Variants in TAFA5 observed in about 807,000 individuals in gnomAD.
TAFA5 encodes the protein chemokine-like protein TAFA-5.
In TAFA5, 6 loss-of-function variants were observed where a neutral mutation model predicts 15.3. The ratio of observed to expected loss-of-function variants is 0.39; its 90% confidence interval spans 0.21 to 0.77. The LOEUF is 0.77. Ranked by LOEUF, TAFA5 falls within the 30% of genes least tolerant of loss-of-function variation. The pLI, the probability that TAFA5 is intolerant of heterozygous loss-of-function variation, is 0.41. For synonymous variants in TAFA5, 103 were observed against 80.7 expected (o/e 1.28, Z -1.48); for missense variants, 161 against 193.1 (o/e 0.83, Z 0.98).
chr22:48,651,897 C>T (rs1927067605), intron 2 of TAFA5, among the ~76,000 whole-genome samples: 1 of 152,064 alleles, frequency 6.6e-6, no homozygotes, highest in African/African-American at 2.4e-5. Context: ...GGATGGGGAC[C>T]ACACTGATGG....
chr22:48,649,117 G>C (rs1926965937), intron 2 of TAFA5, among the ~76,000 whole-genome samples: 1 of 152,240 alleles, frequency 6.6e-6, no homozygotes, highest in Admixed American at 6.5e-5. Context: ...AAGGGGAAGG[G>C]GCCGCGGGCT....
In TAFA5 at chr22:48,493,118, A is replaced by G. The variant is rs571238415; in HGVS notation, c.112+3414A>G. ...CTGGGGCAACTCCCTATGACACCTA[A>G]GCACTGACTCGGTCCTTGTGTGCAG... On this transcript the variant is annotated intron_variant, in intron 1 of 3. Transcript: ENST00000402357. Among the ~76,000 whole-genome samples, 23 of 152,326 alleles carry G rather than the reference A, an allele frequency of 1.5e-4. 1 individual carries two copies. The South Asian group carries it at 4.3e-3, about 29-fold the overall frequency.
intron 2 of TAFA5, among the ~76,000 whole-genome samples, chr22:48,660,064 G>A (rs58870279): frequency 0.011 from 1,647 of 152,208 alleles, 31 homozygotes; most frequent in African/African-American, 0.037. Flanking sequence ...TCTGGATGCC[G>A]AGTCATCTTC....
intron 2 of TAFA5, among the ~76,000 whole-genome samples, chr22:48,675,727 G>A (rs184962289): frequency 3.9e-5 from 6 of 152,230 alleles, no homozygotes; most frequent in South Asian, 2.1e-4. Context: ...CACAGCTGCC[G>A]GGGAGCCCCG....
At chr22:48,651,656 C>A (rs1047618495) in intron 2 of TAFA5, among the ~76,000 whole-genome samples, 1 of 152,134 alleles carries the variant, frequency 6.6e-6, no homozygotes, top group Non-Finnish European at 1.5e-5. Flanking sequence ...AGACGCGCAG[C>A]CTTAGGCGGG....
At chr22:48,706,515 A>G (rs1028658639) in intron 2 of TAFA5, among the ~76,000 whole-genome samples, 2 of 152,240 alleles carry the variant, frequency 1.3e-5, no homozygotes, top group Non-Finnish European at 2.9e-5. Context: ...CCGTTCTCCT[A>G]GAGCCTCGGA....
chr22:48,546,646 C>T (rs1922683314), intron 1 of TAFA5: 2 of 468,332 alleles, frequency 4.3e-6, no homozygotes, highest in Non-Finnish European at 8.9e-6. Flanking sequence ...CTGGCGAGTC[C>T]TCCTCCTACT....
intron 3 of TAFA5, among the ~76,000 whole-genome samples, chr22:48,735,872 C>G: frequency 6.7e-6 from 1 of 148,214 alleles, no homozygotes; most frequent in African/African-American, 2.5e-5. Flanking sequence ...AGTCCATCCC[C>G]CGCAGGAGGA....
intron 1 of TAFA5, among the ~76,000 whole-genome samples, chr22:48,563,052 C>T (rs543037072): frequency 3.9e-5 from 6 of 152,296 alleles, no homozygotes; most frequent in Admixed American, 6.5e-5. Flanking sequence ...CCTGCACAGC[C>T]GCAACTGACC....
intron 3 of TAFA5, among the ~76,000 whole-genome samples, chr22:48,717,193 C>A (rs1929426732): frequency 6.6e-6 from 1 of 152,228 alleles, no homozygotes; most frequent in Non-Finnish European, 1.5e-5. Context: ...CAAAGACGCC[C>A]ACAGCAGCGT....
chr22:48,607,507 T>G (rs1290589100), intron 1 of TAFA5, among the ~76,000 whole-genome samples: 3 of 136,226 alleles, frequency 2.2e-5, no homozygotes, highest in Non-Finnish European at 4.7e-5. Context: ...GGCCCACCCA[T>G]CCCAGGTACC....
intron 1 of TAFA5, among the ~76,000 whole-genome samples, chr22:48,637,742 T>C (rs942874676): frequency 6.6e-6 from 1 of 152,056 alleles, no homozygotes; most frequent in African/African-American, 2.4e-5. Context: ...AGAGTAGAAC[T>C]CACAGCCTCT....
intron 2 of TAFA5, among the ~76,000 whole-genome samples, chr22:48,652,121 C>T (rs546870510): frequency 2.0e-5 from 3 of 152,350 alleles, no homozygotes; most frequent in South Asian, 2.1e-4. Context: ...ATCTCCACCT[C>T]GAGGCGCCAA....
At chr22:48,702,080 C>T (rs1424366528) in intron 2 of TAFA5, among the ~76,000 whole-genome samples, 1 of 152,006 alleles carries the variant, frequency 6.6e-6, no homozygotes, top group African/African-American at 2.4e-5. Context: ...GGGGATGATA[C>T]GCATGTGTGG....
intron 1 of TAFA5, among the ~76,000 whole-genome samples, chr22:48,620,686 T>C: frequency 6.5e-5 from 1 of 15,306 alleles, no homozygotes; most frequent in Non-Finnish European, 1.2e-4. Context: ...ACATCCATCC[T>C]ATCTACTCAC....
chr22:48,688,846 G>A (rs964028664), intron 2 of TAFA5, among the ~76,000 whole-genome samples: 3 of 152,044 alleles, frequency 2.0e-5, no homozygotes, highest in Admixed American at 1.3e-4. Context: ...TAAAAAACTA[G>A]CCAGGTGTGG....
At chr22:48,712,309 G>A (rs1426392615) in intron 3 of TAFA5, among the ~76,000 whole-genome samples, 4 of 152,144 alleles carry the variant, frequency 2.6e-5, no homozygotes, top group African/African-American at 7.2e-5. Flanking sequence ...CATCCGCCTC[G>A]GCCTCCCAAA....
At chr22:48,573,632 G>A (rs747529524) in intron 1 of TAFA5, among the ~76,000 whole-genome samples, 8 of 152,226 alleles carry the variant, frequency 5.3e-5, no homozygotes, top group Non-Finnish European at 1.2e-4. Context: ...TTGGTGCCCG[G>A]AGAAGTGTGA....
intron 2 of TAFA5, among the ~76,000 whole-genome samples, chr22:48,706,061 T>TG (rs1929068565): frequency 6.6e-6 from 1 of 152,006 alleles, no homozygotes. Flanking sequence ...CTGGGGGCCA[T>TG]GGGGGCCACT....
Sources: gnomAD v4.1 joint callset for allele counts (sites outside exome capture counted in the v4.1 genomes callset) on GRCh38, gnomAD v4.1.1 for gene constraint, MANE v1.5 for transcripts, NCBI Gene and HGNC (gene_info 2026-07-23, HGNC 2026-07-21) for gene names.